DCHS2: variants seen among roughly 807,000 people sequenced by gnomAD.
DCHS2 encodes the protein dachsous cadherin-related 2.
DCHS2 carries 142 observed loss-of-function variants against 182.4 expected under a neutral mutation model. The ratio of observed to expected loss-of-function variants is 0.78; its 90% CI spans 0.68 to 0.89. The LOEUF is 0.89. DCHS2 is among the 40% of genes least tolerant of loss of function. The pLI is 0.00. For synonymous variants in DCHS2, 1,740 were observed against 1,663.3 expected (o/e 1.05, Z -1.12); for missense variants, 4,319 against 4,198.6 (o/e 1.03, Z -0.79).
At chr4:154,322,529 A>C in intron 7 of DCHS2, 41 bp from the exon 8 acceptor site, 1 of 1,551,040 alleles carries the variant, frequency 6.4e-7, no homozygotes, top group South Asian at 1.3e-5. Flanking sequence ...GTTAATTGAC[A>C]ATGCAGAAAA....
At chr4:154,320,257 AT>A in intron 9 of DCHS2, 121 bp downstream of exon 9, 1 of 1,436,560 alleles carries the variant, frequency 7.0e-7, no homozygotes. Context: ...GCTGTGCAAC[AT>A]TGAACTCACA....
intron 3 of DCHS2, among the ~76,000 whole-genome samples, chr4:154,339,797 C>T (rs2111381317): frequency 6.6e-6 from 1 of 152,204 alleles, no homozygotes; most frequent in African/African-American, 2.4e-5. Context: ...AAGAAAAATT[C>T]ATGAAAACCT....
At position 154,491,688 on chromosome 4, in the gene DCHS2, T is replaced by C; in HGVS notation, c.-333A>G. On this transcript the variant is annotated 5_prime_UTR_variant, in exon 1 of 20. Coordinates refer to ENST00000357232, the MANE Select transcript of DCHS2 (RefSeq NM_001358235.2). ...TTCCTTGTTCTACTCGGCTGGTTGT[T>C]CCCCCCTGGTAAAGTCAGGTGCATT... 4.4e-6 allele frequency: 5 copies of C among 1,137,934 alleles called. No homozygotes were observed. Among genetic ancestry groups the C allele is most frequent in the Admixed American group, 4.7e-5 (1 of 21,204 alleles). The allele number at this position is 1,137,934 out of a possible 1,614,324, so 70.5% of individuals were successfully genotyped here.
intron 10 of DCHS2, among the ~76,000 whole-genome samples, 200 bp downstream of exon 10, chr4:154,315,548 C>T (rs1735820803): frequency 6.6e-6 from 1 of 152,126 alleles, no homozygotes; most frequent in African/African-American, 2.4e-5. Flanking sequence ...AAAGTTAATA[C>T]AAGCAAATCT....
In DCHS2 at chr4:154,298,612, A is replaced by G; in HGVS notation, c.5702T>C (p.Leu1901Pro). 1 of 1,614,118 alleles carries G rather than the reference A, an allele frequency of 6.2e-7. No individual in the cohort carries two copies. Among genetic ancestry groups the G allele is most frequent in the Non-Finnish European group, 8.5e-7 (1 of 1,179,988 alleles). Reference sequence around the variant, plus strand: ...TCCCAGGTCAGAGCACAGAATGACAAGGGTAAAATTGCTGATTTGCTCCCG... The same window carrying G: ...TCCCAGGTCAGAGCACAGAATGACAGGGGTAAAATTGCTGATTTGCTCCCG... ...LDREQISNFT[L>P]VILCSDLGDP... The change falls in exon 13 of 20, where the codon CTT becomes CCT. Residue 1901 changes from leucine (L) to proline (P), a missense_variant. Transcript: ENST00000357232.
intron 1 of DCHS2, among the ~76,000 whole-genome samples, chr4:154,381,510 C>G (rs1275081433): frequency 6.6e-6 from 1 of 151,990 alleles, no homozygotes; most frequent in Non-Finnish European, 1.5e-5. Flanking sequence ...TCTTTACTGA[C>G]AATATAATTC....
At chr4:154,261,921 C>T (rs910765056) in intron 14 of DCHS2, 1 of 152,080 alleles carries the variant, frequency 6.6e-6, no homozygotes, top group East Asian at 1.9e-4. Context: ...ACTAGGTGGT[C>T]TTCAGAAACC....
At chr4:154,321,611 A>G (rs1199265322) in intron 8 of DCHS2, among the ~76,000 whole-genome samples, 5 of 152,220 alleles carry the variant, frequency 3.3e-5, no homozygotes, top group Non-Finnish European at 7.4e-5. Flanking sequence ...TGTACATTTA[A>G]GTATCATATG....
Position 154,322,431 on chromosome 4 carries a change from G to T in DCHS2, c.4076C>A (p.Thr1359Lys). The part of the protein sequence containing the change: ...DANNGEIRTT[T>K]ILSYDYRPSY... ...AGGTCTATAATCATACGAAAGTATT[G>T]TGGTTGTTCTTATTTCACCATTGTT... The change falls in exon 8 of 20, where the codon ACA becomes AAA. Residue 1359 changes from threonine to lysine, a missense_variant. Coordinates refer to ENST00000357232, the MANE Select transcript of DCHS2 (RefSeq NM_001358235.2). 2 of 1,613,682 alleles carry T rather than the reference G, an allele frequency of 1.2e-6. No homozygotes were observed.
intron 13 of DCHS2, among the ~76,000 whole-genome samples, chr4:154,273,566 G>A (rs555240647): frequency 1.3e-5 from 2 of 152,052 alleles, no homozygotes; most frequent in South Asian, 4.1e-4. Context: ...AGTTATTCAT[G>A]TAACCAAAGA....
At chr4:154,250,476 A>G (rs891483261) in intron 16 of DCHS2, among the ~76,000 whole-genome samples, 5 of 152,118 alleles carry the variant, frequency 3.3e-5, no homozygotes, top group Admixed American at 2.6e-4. Flanking sequence ...ATTATTTTCA[A>G]TTGCCAAAAG....
chr4:154,373,932 T>G, intron 2 of DCHS2: 1 of 1,599,982 alleles, frequency 6.3e-7, no homozygotes. Context: ...TCACCAGGGC[T>G]AAATGTGTCA....
chr4:154,477,131 G>A (rs1579119014), intron 1 of DCHS2, among the ~76,000 whole-genome samples: 1 of 152,158 alleles, frequency 6.6e-6, no homozygotes, highest in Admixed American at 6.5e-5. Context: ...TGGTTCTGGA[G>A]GCTGAAAGTC....
chr4:154,321,757 A>G (rs953197710), intron 8 of DCHS2, among the ~76,000 whole-genome samples: 10 of 152,146 alleles, frequency 6.6e-5, no homozygotes, highest in African/African-American at 2.4e-4. Flanking sequence ...TATTGTATAT[A>G]CCTGTATTAA....
chr4:154,267,801 G>A (rs565240473), intron 14 of DCHS2, among the ~76,000 whole-genome samples: 28 of 152,156 alleles, frequency 1.8e-4, no homozygotes, highest in Non-Finnish European at 4.0e-4. Context: ...CACCTTCTTT[G>A]TTGGCAGATG....
rs954719379 is a variant in DCHS2, at chr4:154,490,252, C to T, written c.1104G>A (p.Trp368Ter). The T allele has an allele frequency of 1.3e-6, 2 of 1,549,490 alleles. No homozygotes were observed. The highest frequency in any genetic ancestry group is 1.7e-6 in the Non-Finnish European group (2 of 1,146,814). The change falls in exon 1 of 20, where the codon TGG becomes TGA. Residue 368 changes from tryptophan (W) to a stop codon, truncating the protein, a stop_gained. Coordinates refer to ENST00000357232, the MANE Select transcript of DCHS2 (RefSeq NM_001358235.2). LOFTEE classifies it high-confidence loss of function. Reference sequence around the variant, plus strand: ...CCTGTGCCTCGCGGTCCAGAGGTCTCCACACTCGCACCACGCCGCTCAGCT... The same window carrying T: ...CCTGTGCCTCGCGGTCCAGAGGTCTTCACACTCGCACCACGCCGCTCAGCT... Reference protein sequence around the residue: ...VEELSGVVRVWRPLDREAQAW... With the variant: ...VEELSGVVRV
intron 10 of DCHS2, among the ~76,000 whole-genome samples, chr4:154,314,182 A>C (rs927488252): frequency 6.6e-6 from 1 of 152,206 alleles, no homozygotes; most frequent in African/African-American, 2.4e-5. Context: ...TTGCAAAATC[A>C]CACAACATCA....
chr4:154,389,534 A>G (rs1486306000), intron 1 of DCHS2, among the ~76,000 whole-genome samples: 1 of 147,508 alleles, frequency 6.8e-6, no homozygotes, highest in African/African-American at 2.5e-5. Context: ...ATATATATAT[A>G]TAACCTTTTT....
intron 1 of DCHS2, among the ~76,000 whole-genome samples, chr4:154,383,991 ATTTG>A (rs549478748): frequency 3.9e-4 from 59 of 152,336 alleles, no homozygotes; most frequent in South Asian, 1.7e-3. Context: ...GCATTTAACA[ATTTG>A]TTTGAAGAAA....
Sources: allele counts gnomAD v4.1 joint callset (sites outside exome capture counted in the v4.1 genomes callset), GRCh38; gene constraint gnomAD v4.1.1; transcripts MANE v1.5; gene names NCBI Gene and HGNC (gene_info 2026-07-23, HGNC 2026-07-21).